The following GRIP1 variants were observed in gnomAD, a reference collection of about 807,000 sequenced individuals.
GRIP1 encodes glutamate receptor-interacting protein 1.
In GRIP1, 45 loss-of-function variants were observed where a neutral mutation model predicts 129.9. The ratio of observed to expected loss-of-function variants is 0.35; its 90% CI spans 0.27 to 0.44. The LOEUF (loss-of-function observed/expected upper bound fraction) is 0.44, where lower values mean the gene tolerates loss of function less well. Ranked by LOEUF, GRIP1 falls within the 20% of genes least tolerant of loss-of-function variation. The pLI is 1.00. For synonymous variants in GRIP1, 530 were observed against 520.8 expected (o/e 1.02, Z -0.24); for missense variants, 1,196 against 1,396.8 (o/e 0.86, Z 2.29).
intron 7 of GRIP1, among the ~76,000 whole-genome samples, chr12:66,511,096 G>A (rs2060685146): frequency 6.6e-6 from 1 of 152,136 alleles, no homozygotes. Flanking sequence ...GGAGGTAATT[G>A]AATCATGGTG....
In GRIP1 at chr12:66,410,220, C is replaced by T. The variant is rs11176170; in HGVS notation, c.1839-3792G>A. On this transcript the variant is annotated intron_variant, in intron 15 of 24. Coordinates refer to ENST00000359742, the MANE Select transcript of GRIP1 (RefSeq NM_001366722.1). ...AGCCGAGATCCCGCCACTGCACTCC[C>T]GCCTGGGCGACAGAGCGAGACTCCG... Among the ~76,000 whole-genome samples, 18 of 118,370 alleles carry T rather than the reference C, an allele frequency of 1.5e-4. No homozygotes were observed. In the East Asian group the frequency reaches 2.7e-3, roughly 18 times the overall value. The allele number at this position is 118,370 out of a possible 152,430, so 77.7% of individuals were successfully genotyped here.
chr12:66,354,116 A>G (rs2054364117), intron 23 of GRIP1, among the ~76,000 whole-genome samples: 1 of 152,178 alleles, frequency 6.6e-6, no homozygotes. Context: ...ATGTGTCTCT[A>G]TGACAACACC....
At chr12:66,517,821 C>A in intron 6 of GRIP1, 80 bp downstream of exon 6, 2 of 791,242 alleles carry the variant, frequency 2.5e-6, no homozygotes, top group South Asian at 2.8e-5. Context: ...TGTAAAATTT[C>A]TAATTTATCA....
intron 20 of GRIP1, among the ~76,000 whole-genome samples, chr12:66,377,720 C>T (rs1279916851): frequency 6.8e-6 from 1 of 146,244 alleles, no homozygotes; most frequent in Non-Finnish European, 1.5e-5. Context: ...TTGGATCTGG[C>T]TTTCTTCCAC....
intron 14 of GRIP1, among the ~76,000 whole-genome samples, chr12:66,429,574 T>G (rs1426956584): frequency 6.6e-6 from 1 of 152,092 alleles, no homozygotes; most frequent in African/African-American, 2.4e-5. Flanking sequence ...CTCATGCCTG[T>G]AGTCCCAGAC....
chr12:66,906,249 C>A (rs1160221290), intron 1 of GRIP1, among the ~76,000 whole-genome samples: 1 of 151,780 alleles, frequency 6.6e-6, no homozygotes, highest in African/African-American at 2.4e-5. Flanking sequence ...CATAGCAAGA[C>A]CTCATCTCTA....
chr12:66,835,574 A>G (rs2039598606), intron 1 of GRIP1, among the ~76,000 whole-genome samples: 1 of 152,212 alleles, frequency 6.6e-6, no homozygotes, highest in African/African-American at 2.4e-5. Context: ...TTTAGCACCA[A>G]CAAGAAATGA....
intron 23 of GRIP1, among the ~76,000 whole-genome samples, chr12:66,362,337 G>A (rs1438311357): frequency 6.6e-6 from 1 of 151,776 alleles, no homozygotes; most frequent in African/African-American, 2.4e-5. Flanking sequence ...ATTTTTAGTA[G>A]AGATGGGGTT....
rs201960849 is a variant in GRIP1 at position 66,525,859 on chromosome 12, A to C, written c.502+3972T>G. On this transcript the variant is annotated intron_variant, in intron 5 of 24. Coordinates refer to ENST00000359742, the MANE Select transcript of GRIP1 (RefSeq NM_001366722.1). ...CTCAGGATACAAAATCAATGTACAA[A>C]AATCACAAGCATTCTTATACACCAA... Among the ~76,000 whole-genome samples the C allele has an allele frequency of 2.2e-4, 34 of 152,048 alleles. 1 individual carries two copies. In the East Asian group the frequency reaches 6.4e-3, roughly 28 times the overall value.
intron 1 of GRIP1, among the ~76,000 whole-genome samples, chr12:66,611,809 A>C (rs368457294): frequency 6.6e-6 from 1 of 152,180 alleles, no homozygotes; most frequent in African/African-American, 2.4e-5. Flanking sequence ...TACGGTTTAT[A>C]CAACAGAGTG....
chr12:66,658,309 G>A (rs868258156), intron 1 of GRIP1, among the ~76,000 whole-genome samples: 7 of 152,142 alleles, frequency 4.6e-5, no homozygotes, highest in South Asian at 4.1e-4. Context: ...GACTCTCTTC[G>A]CAGCTAGAAA....
At position 66,481,239 on chromosome 12, in the gene GRIP1, A is replaced by C. The variant is rs958015737; in HGVS notation, c.725-15817T>G. 8.4e-5 allele frequency among the ~76,000 whole-genome samples: 12 copies of C among 142,746 alleles called. 1 individual carries two copies. Among genetic ancestry groups the C allele is most frequent in the Non-Finnish European group, 7.7e-5 (5 of 65,174 alleles). 93.6% of individuals were successfully genotyped at this position (142,746 alleles called of 152,430 possible). On this transcript the variant is annotated intron_variant, in intron 7 of 24. Transcript: ENST00000359742. ...TATCTAGAATCTACAAAAAAAAAAA[A>C]ACAAATTCACAAGAAAAAAAAAGCA... is the stretch of plus-strand genomic sequence containing the variant.
chr12:66,677,980 C>T (rs2034417413), intron 1 of GRIP1, among the ~76,000 whole-genome samples: 1 of 151,982 alleles, frequency 6.6e-6, no homozygotes, highest in African/African-American at 2.4e-5. Context: ...TACTTTTACT[C>T]AGAATGAAGT....
rs559275176 is a variant in GRIP1 at position 67,041,495 on chromosome 12, A to G, written c.58+27555T>C. Among the ~76,000 whole-genome samples, 10 of 152,188 alleles carry G rather than the reference A, an allele frequency of 6.6e-5. 1 individual carries two copies. In the South Asian group the frequency reaches 2.1e-3, roughly 32 times the overall value. On this transcript the variant is annotated intron_variant, in intron 1 of 1. Coordinates refer to the GRIP1 transcript ENST00000643019. ...AATCATCATCATTACTACACTATTA[A>G]ATCCAATGAACTTGGTTTCCTCTAA... is the stretch of plus-strand genomic sequence containing the variant.
Position 66,786,149 on chromosome 12 carries a change from G to C in GRIP1, c.-420+17904C>G, listed in dbSNP as rs1296915922. 2.6e-5 allele frequency among the ~76,000 whole-genome samples: 4 copies of C among 152,288 alleles called. No homozygotes were observed. The East Asian group carries it at 7.7e-4, about 29-fold the overall frequency. On this transcript the variant is annotated intron_variant, in intron 1 of 4. Transcript: ENST00000538373. ...ACTAAGTTTTTGTATTGAAATTATAGCTTTTTGAATGGAATAAGGGTTGAG... is the reference window on the plus strand; with the variant it reads ...ACTAAGTTTTTGTATTGAAATTATACCTTTTTGAATGGAATAAGGGTTGAG...
chr12:66,601,127 G>C (rs572097955), intron 1 of GRIP1, among the ~76,000 whole-genome samples: 3 of 152,110 alleles, frequency 2.0e-5, no homozygotes, highest in African/African-American at 7.2e-5. Flanking sequence ...ACTTAAAGCA[G>C]AAGAAGAACA....
chr12:67,020,773 T>C (rs1049207906), intron 1 of GRIP1, among the ~76,000 whole-genome samples: 17 of 152,178 alleles, frequency 1.1e-4, no homozygotes, highest in African/African-American at 3.9e-4. Flanking sequence ...ATATAAAGTA[T>C]TGTTGACATA....
At chr12:66,384,154 T>G (rs2056250558) in intron 19 of GRIP1, among the ~76,000 whole-genome samples, 1 of 152,218 alleles carries the variant, frequency 6.6e-6, no homozygotes, top group Non-Finnish European at 1.5e-5. Context: ...GGTAACCAGT[T>G]CAGTTATGGT....
At chr12:66,843,789 T>C (rs757862145) in intron 1 of GRIP1, among the ~76,000 whole-genome samples, 3 of 142,000 alleles carry the variant, frequency 2.1e-5, no homozygotes, top group Non-Finnish European at 4.8e-5. Flanking sequence ...TTACACCATA[T>C]ATAAAAATTA....
Sources: gnomAD v4.1 joint callset for allele counts (sites outside exome capture counted in the v4.1 genomes callset) on GRCh38, gnomAD v4.1.1 for gene constraint, MANE v1.5 for transcripts, NCBI Gene and HGNC (gene_info 2026-07-23, HGNC 2026-07-21) for gene names.